TMEM163: variants seen among roughly 807,000 people sequenced by gnomAD.
The protein encoded by TMEM163 is transmembrane protein 163.
A neutral mutation model predicts 29.3 loss-of-function variants in TMEM163; 17 were observed. That is an observed-to-expected ratio of 0.58 (90% CI 0.40 to 0.87). TMEM163 has a LOEUF of 0.87. Ranked by LOEUF, TMEM163 falls within the 40% of genes least tolerant of loss-of-function variation. TMEM163 has a pLI of 0.00. For missense variants in TMEM163, 303 were observed against 381.5 expected, an observed-to-expected ratio of 0.79 and a Z score of 1.71; for synonymous variants, 157 against 160.6, an observed-to-expected ratio of 0.98 and a Z score of 0.17.
chr2:134,581,721 T>C (rs541331496), intron 2 of TMEM163, among the ~76,000 whole-genome samples: 1 of 152,332 alleles, frequency 6.6e-6, no homozygotes, highest in African/African-American at 2.4e-5. Flanking sequence ...CTCCTACCTT[T>C]AGTTTCCCCA....
chr2:134,519,603 T>C (rs1208890783), intron 4 of TMEM163, among the ~76,000 whole-genome samples: 2 of 151,664 alleles, frequency 1.3e-5, no homozygotes, highest in African/African-American at 4.9e-5. Context: ...TCGCAGCTAC[T>C]CGGGAGGCTG....
In TMEM163 at chr2:134,562,976, G is replaced by A. The variant is rs889691858; in HGVS notation, c.323-10885C>T. 7.2e-5 allele frequency among the ~76,000 whole-genome samples: 11 copies of A among 152,334 alleles called. No homozygotes were observed. The East Asian group carries it at 1.9e-3, about 27-fold the overall frequency. On this transcript the variant is annotated intron_variant, in intron 2 of 7. Transcript: ENST00000281924. The stretch of plus-strand genomic sequence containing the variant: ...ATGTCTCAATCAAATCTTGGGCAGA[G>A]CTTAGACTTTTCCACAATTAGATGG...
At chr2:134,679,626 T>C (rs1684187348) in intron 2 of TMEM163, among the ~76,000 whole-genome samples, 1 of 152,160 alleles carries the variant, frequency 6.6e-6, no homozygotes, top group African/African-American at 2.4e-5. Context: ...TCCCAGGAGC[T>C]TTCGAAGACA....
intron 5 of TMEM163, among the ~76,000 whole-genome samples, chr2:134,483,805 G>A (rs1679256794): frequency 6.6e-6 from 1 of 152,118 alleles, no homozygotes; most frequent in Non-Finnish European, 1.5e-5. Flanking sequence ...TGAACAACAG[G>A]AAGCCCAAAA....
At chr2:134,603,828 G>A (rs1019906967) in intron 2 of TMEM163, among the ~76,000 whole-genome samples, 5 of 150,232 alleles carry the variant, frequency 3.3e-5, no homozygotes, top group Non-Finnish European at 7.4e-5. Flanking sequence ...TAAGGTGGAA[G>A]GTGGGGGTGG....
intron 5 of TMEM163, among the ~76,000 whole-genome samples, chr2:134,499,867 T>C (rs72853951): frequency 0.13 from 20,203 of 152,206 alleles, 1,682 homozygotes; most frequent in Middle Eastern, 0.3. Flanking sequence ...TTTGCCCAGA[T>C]CCTACCCTCA....
intron 2 of TMEM163, among the ~76,000 whole-genome samples, chr2:134,603,422 T>C (rs988420879): frequency 2.0e-5 from 3 of 152,146 alleles, no homozygotes; most frequent in African/African-American, 7.2e-5. Context: ...ACAGACCTGA[T>C]AAAATCCTGA....
intron 5 of TMEM163, among the ~76,000 whole-genome samples, chr2:134,481,549 C>T (rs1679181647): frequency 6.6e-6 from 1 of 152,044 alleles, no homozygotes; most frequent in Admixed American, 6.5e-5. Flanking sequence ...CCACATGGAA[C>T]TGTGAGTCCA....
intron 2 of TMEM163, among the ~76,000 whole-genome samples, chr2:134,657,572 G>A (rs1683648748): frequency 6.6e-6 from 1 of 151,960 alleles, no homozygotes; most frequent in Non-Finnish European, 1.5e-5. Context: ...GGAGGCAGAG[G>A]CAGATGGATC....
At chr2:134,539,670 T>C (rs1019816621) in intron 4 of TMEM163, among the ~76,000 whole-genome samples, 2 of 152,232 alleles carry the variant, frequency 1.3e-5, no homozygotes, top group Non-Finnish European at 2.9e-5. Flanking sequence ...TTGGTATTGA[T>C]TTGTAGTCAA....
At chr2:134,555,971 A>G (rs1049427909) in intron 2 of TMEM163, among the ~76,000 whole-genome samples, 1 of 152,234 alleles carries the variant, frequency 6.6e-6, no homozygotes, top group Non-Finnish European at 1.5e-5. Context: ...AAATGGCACA[A>G]TTCAATTTGA....
At position 134,456,794 on chromosome 2, in the gene TMEM163, G is replaced by C. The variant is rs1435315476; in HGVS notation, c.810-18C>G. The C allele has an allele frequency of 1.9e-6, 3 of 1,612,600 alleles. No homozygotes were observed. Among genetic ancestry groups the C allele is most frequent in the Non-Finnish European group, 2.5e-6 (3 of 1,179,480 alleles). On this transcript the variant is annotated intron_variant, in intron 7 of 7. Coordinates refer to ENST00000281924, the MANE Select transcript of TMEM163 (RefSeq NM_030923.5). Reference sequence around the variant, plus strand: ...TGAGGAGTCTGCAAAGACGAAGACAGACAAGGTCACCTCCATGGCATGGGG... The same window carrying C: ...TGAGGAGTCTGCAAAGACGAAGACACACAAGGTCACCTCCATGGCATGGGG...
intron 2 of TMEM163, among the ~76,000 whole-genome samples, chr2:134,684,401 T>C (rs1684310734): frequency 6.6e-6 from 1 of 152,122 alleles, no homozygotes; most frequent in Non-Finnish European, 1.5e-5. Flanking sequence ...TAATTATTAA[T>C]AATTCTGCGA....
chr2:134,687,913 G>T (rs1684381634), intron 2 of TMEM163, among the ~76,000 whole-genome samples: 1 of 152,102 alleles, frequency 6.6e-6, no homozygotes, highest in Admixed American at 6.5e-5. Flanking sequence ...ACAGAAAAGG[G>T]ATTTACATGG....
At chr2:134,560,489 CA>C (rs1453280996) in intron 2 of TMEM163, among the ~76,000 whole-genome samples, 2 of 152,150 alleles carry the variant, frequency 1.3e-5, no homozygotes, top group African/African-American at 4.8e-5. Flanking sequence ...CCGGGAGGCC[CA>C]GCCGTGCTAC....
At chr2:134,674,717 A>G (rs139652412) in intron 2 of TMEM163, among the ~76,000 whole-genome samples, 34 of 150,690 alleles carry the variant, frequency 2.3e-4, no homozygotes, top group African/African-American at 8.3e-4. Flanking sequence ...CCATGAAGAG[A>G]GGGTTCTCAT....
chr2:134,505,086 A>G (rs1679790446), intron 4 of TMEM163, among the ~76,000 whole-genome samples: 1 of 152,092 alleles, frequency 6.6e-6, no homozygotes, highest in Non-Finnish European at 1.5e-5. Flanking sequence ...TAGGCCTCCA[A>G]GGTAAGTTTC....
At chr2:134,694,180 T>A (rs1240228353) in intron 2 of TMEM163, among the ~76,000 whole-genome samples, 1 of 152,194 alleles carries the variant, frequency 6.6e-6, no homozygotes, top group Non-Finnish European at 1.5e-5. Context: ...TGCTAAGTGT[T>A]AGCTAAGAAA....
intron 1 of TMEM163, among the ~76,000 whole-genome samples, chr2:134,715,672 C>T (rs1685023324): frequency 6.6e-6 from 1 of 152,178 alleles, no homozygotes. Context: ...ACACAGGTAC[C>T]TCCACACTCA....
Sources: gnomAD v4.1 joint callset for allele counts (sites outside exome capture counted in the v4.1 genomes callset) on GRCh38, gnomAD v4.1.1 for gene constraint, MANE v1.5 for transcripts, NCBI Gene and HGNC (gene_info 2026-07-23, HGNC 2026-07-21) for gene names.